The following CREB3L2 variants were observed in gnomAD, a reference collection of about 807,000 sequenced individuals.
CREB3L2 encodes cAMP responsive element binding protein 3 like 2.
CREB3L2 carries 23 observed loss-of-function variants against 57.2 expected under a neutral mutation model. The observed-to-expected ratio is 0.40, with a 90% CI of 0.29 to 0.57. The LOEUF (loss-of-function observed/expected upper bound fraction) is 0.57, where lower values mean the gene tolerates loss of function less well. CREB3L2 is among the 20% of genes least tolerant of loss of function. CREB3L2 has a pLI of 0.42. For synonymous variants in CREB3L2, 268 were observed against 265.1 expected (o/e 1.01, Z -0.11); for missense variants, 628 against 634.7 (o/e 0.99, Z 0.11).
intron 1 of CREB3L2, among the ~76,000 whole-genome samples, chr7:137,964,978 G>A (rs946691458): frequency 1.3e-5 from 2 of 152,136 alleles, no homozygotes; most frequent in Non-Finnish European, 2.9e-5. Context: ...CAACCACGTG[G>A]AATTGTGAGT....
At chr7:137,978,443 G>T (rs983355033) in intron 1 of CREB3L2, among the ~76,000 whole-genome samples, 1 of 152,006 alleles carries the variant, frequency 6.6e-6, no homozygotes, top group Non-Finnish European at 1.5e-5. Flanking sequence ...TATCCCCTCC[G>T]TCCCTCCTCC....
chr7:137,991,881 C>G (rs980403233), intron 1 of CREB3L2, among the ~76,000 whole-genome samples: 1 of 150,162 alleles, frequency 6.7e-6, no homozygotes, highest in Non-Finnish European at 1.5e-5. Context: ...GCACTCCAGC[C>G]TGGGCAACAG....
At chr7:137,914,333 T>A (rs1391782625) in intron 3 of CREB3L2, among the ~76,000 whole-genome samples, 3 of 152,126 alleles carry the variant, frequency 2.0e-5, no homozygotes, top group Non-Finnish European at 4.4e-5. Context: ...AGTTACATAC[T>A]TTACAATAAT....
intron 1 of CREB3L2, among the ~76,000 whole-genome samples, chr7:137,948,394 C>T (rs971477694): frequency 4.6e-5 from 7 of 152,200 alleles, no homozygotes; most frequent in Non-Finnish European, 7.3e-5. Flanking sequence ...GCCAGGGGGA[C>T]ATTATGGTAG....
intron 1 of CREB3L2, among the ~76,000 whole-genome samples, chr7:137,982,451 C>T (rs1331514844): frequency 6.6e-6 from 1 of 151,972 alleles, no homozygotes; most frequent in East Asian, 1.9e-4. Context: ...TTGAATTTAG[C>T]TCCCGCAGTT....
intron 1 of CREB3L2, among the ~76,000 whole-genome samples, chr7:137,928,906 G>C (rs1056369885): frequency 1.3e-5 from 2 of 152,182 alleles, no homozygotes; most frequent in Non-Finnish European, 2.9e-5. Context: ...CAATGCAGAC[G>C]AGTGTGGACA....
chr7:137,899,847 T>C (rs904767346), intron 8 of CREB3L2, among the ~76,000 whole-genome samples: 13 of 152,186 alleles, frequency 8.5e-5, no homozygotes, highest in Admixed American at 3.9e-4. Flanking sequence ...CAACAAACCA[T>C]GAAGCATCAG....
chr7:137,895,273 A>G (rs1799605383), intron 8 of CREB3L2, among the ~76,000 whole-genome samples: 1 of 152,268 alleles, frequency 6.6e-6, no homozygotes, highest in Non-Finnish European at 1.5e-5. Flanking sequence ...AGAGAGGTGC[A>G]TTCACTTAGA....
At chr7:137,901,522 G>A (rs2117199598) in intron 7 of CREB3L2, 100 bp from the exon 8 acceptor site, 1 of 694,462 alleles carries the variant, frequency 1.4e-6, no homozygotes, top group Non-Finnish European at 2.5e-6. Context: ...AGGAGGGTTG[G>A]GGGGATCTGC....
intron 1 of CREB3L2, among the ~76,000 whole-genome samples, chr7:137,970,305 A>C (rs1478707302): frequency 6.6e-6 from 1 of 152,374 alleles, no homozygotes; most frequent in Non-Finnish European, 1.5e-5. Flanking sequence ...TCCAAAGAAT[A>C]AGCTGACCAT....
Position 137,980,729 on chromosome 7 carries a change from T to A in CREB3L2, c.102+20875A>T, listed in dbSNP as rs1801698707. Among the ~76,000 whole-genome samples the A allele has an allele frequency of 6.6e-6, 1 of 152,300 alleles. No homozygotes were observed. The highest frequency in any genetic ancestry group is 1.9e-4 in the East Asian group (1 of 5,184). On this transcript the variant is annotated intron_variant, in intron 1 of 11. Coordinates refer to ENST00000330387, the MANE Select transcript of CREB3L2 (RefSeq NM_194071.4). The surrounding 1 kb of genome is among the most constrained non-coding windows in gnomAD (Gnocchi z 4.3). Reference sequence around the variant, plus strand: ...GGCTGAAGGTCCTCAGGATTTCAACTGAGAGGGAGGAGTTGGGAAAGGCAA... The same window carrying A: ...GGCTGAAGGTCCTCAGGATTTCAACAGAGAGGGAGGAGTTGGGAAAGGCAA...
At chr7:137,962,046 A>G (rs1301645478) in intron 1 of CREB3L2, among the ~76,000 whole-genome samples, 1 of 151,890 alleles carries the variant, frequency 6.6e-6, no homozygotes. Context: ...GCTCTTCCCC[A>G]TCTGCGACCC....
intron 3 of CREB3L2, among the ~76,000 whole-genome samples, chr7:137,915,601 A>G (rs1800110176): frequency 6.6e-6 from 1 of 152,202 alleles, no homozygotes. Context: ...AATCAAAAAG[A>G]GAATGAAATC....
chr7:137,902,362 T>TA (rs1374252005), intron 7 of CREB3L2, among the ~76,000 whole-genome samples: 1 of 152,064 alleles, frequency 6.6e-6, no homozygotes, highest in Non-Finnish European at 1.5e-5. Flanking sequence ...TATACTACAG[T>TA]AATCTGGATA....
At chr7:137,922,435 T>TATATATATATATATATATATATACAC (rs1800338305) in intron 2 of CREB3L2, among the ~76,000 whole-genome samples, 1 of 47,184 alleles carries the variant, frequency 2.1e-5, no homozygotes, top group Non-Finnish European at 3.2e-5. Flanking sequence ...TATATATATA[T>TATATATATATATATATATATATACAC]ACGTATATAT....
At chr7:137,994,963 C>T (rs181014311) in intron 1 of CREB3L2, among the ~76,000 whole-genome samples, 103 of 152,306 alleles carry the variant, frequency 6.8e-4, no homozygotes, top group Admixed American at 1.4e-3. Context: ...CTAATGATCC[C>T]AATGGTCATG....
At chr7:137,904,536 T>C (rs1366120722) in intron 6 of CREB3L2, among the ~76,000 whole-genome samples, 4 of 152,016 alleles carry the variant, frequency 2.6e-5, no homozygotes, top group African/African-American at 9.7e-5. Context: ...CGGTGGTGCA[T>C]GCTTGTAATC....
intron 2 of CREB3L2, among the ~76,000 whole-genome samples, chr7:137,921,119 C>A (rs1329089341): frequency 6.6e-6 from 1 of 152,216 alleles, no homozygotes; most frequent in Non-Finnish European, 1.5e-5. Context: ...AGTAGACACT[C>A]CACACCCTCT....
Position 137,880,586 on chromosome 7 carries a change from T to A in CREB3L2, c.1488-35A>T. 1 of 1,517,470 alleles carries A rather than the reference T, an allele frequency of 6.6e-7. No homozygotes were observed. Among genetic ancestry groups the A allele is most frequent in the Non-Finnish European group, 9.1e-7 (1 of 1,092,982 alleles). The allele number at this position is 1,517,470 out of a possible 1,614,324, so 94.0% of individuals were successfully genotyped here. A position where few individuals can be genotyped will look rare whatever the true frequency, so the allele number is the denominator to read the frequency against. ...CATTAAAAGGAAAACGAAGTATTAG[T>A]CACCAGCTGTTAGCTACAATTCTCA... On this transcript the variant is annotated intron_variant, in intron 11 of 11. Transcript: ENST00000330387. The surrounding 1 kb of genome is among the most constrained non-coding windows in gnomAD (Gnocchi z 4.0).
Sources: gnomAD v4.1 joint callset for allele counts (sites outside exome capture counted in the v4.1 genomes callset) on GRCh38, gnomAD v4.1.1 for gene constraint, Gnocchi (gnomAD v3.1) non-coding constraint, MANE v1.5 for transcripts, NCBI Gene and HGNC (gene_info 2026-07-23, HGNC 2026-07-21) for gene names.